DYNC2LI1: variants seen among roughly 807,000 people sequenced by gnomAD.
DYNC2LI1 encodes the protein dynein cytoplasmic 2 light intermediate chain 1, also known as cytoplasmic dynein 2 light intermediate chain 1.
DYNC2LI1 carries 45 observed loss-of-function variants against 51.9 expected under a neutral mutation model. That is an observed-to-expected ratio of 0.87 (90% CI 0.68 to 1.11). The LOEUF is 1.11. DYNC2LI1 is among the 50% of genes most tolerant of loss of function. DYNC2LI1 has a pLI of 0.00. For synonymous variants in DYNC2LI1, 130 were observed against 137.8 expected, an observed-to-expected ratio of 0.94 and a Z score of 0.40; for missense variants, 490 against 417.4, an observed-to-expected ratio of 1.17 and a Z score of -1.51.
At chr2:43,825,469 G>GT in the DYNC2LI1 span, among the ~76,000 whole-genome samples, 8 of 152,254 alleles carry the variant, frequency 5.3e-5, no homozygotes, top group East Asian at 3.9e-4. Flanking sequence ...GAGAAAGTGA[G>GT]TTTTTTTGGA....
the DYNC2LI1 span, among the ~76,000 whole-genome samples, chr2:43,820,913 C>T: frequency 2.6e-5 from 4 of 152,204 alleles, no homozygotes; most frequent in Non-Finnish European, 5.9e-5. Flanking sequence ...CTCAGCCTCC[C>T]AAAGTGCTAG....
At chr2:43,798,206 T>C (rs1189921898) in intron 8 of DYNC2LI1, among the ~76,000 whole-genome samples, 1 of 152,208 alleles carries the variant, frequency 6.6e-6, no homozygotes, top group Non-Finnish European at 1.5e-5. Context: ...AGAGACAACA[T>C]GGTCTAGCCG....
the DYNC2LI1 span, among the ~76,000 whole-genome samples, chr2:43,826,753 A>G: frequency 6.6e-6 from 1 of 152,236 alleles, no homozygotes; most frequent in Admixed American, 6.5e-5. Context: ...TCCAGGGCAC[A>G]GGGAGTAAGG....
At chr2:43,811,884 G>A (rs146129442), downstream of DYNC2LI1, among the ~76,000 whole-genome samples, 3,273 of 152,142 alleles carry the variant, frequency 0.022, 82 homozygotes, top group African/African-American at 0.062. Context: ...ATGAGCCACC[G>A]CGCCTGGCCA....
chr2:43,817,434 G>A, the DYNC2LI1 span, among the ~76,000 whole-genome samples: 4 of 152,068 alleles, frequency 2.6e-5, no homozygotes, highest in African/African-American at 9.7e-5. Context: ...GCAGTGAGCC[G>A]AGATCGTGCC....
chr2:43,822,013 T>A, the DYNC2LI1 span, among the ~76,000 whole-genome samples: 1 of 152,186 alleles, frequency 6.6e-6, no homozygotes, highest in African/African-American at 2.4e-5. Context: ...AAATTTTGGC[T>A]GCATTTTCAT....
intron 5 of DYNC2LI1, chr2:43,793,945 T>C (rs1054227141): frequency 1.3e-5 from 2 of 153,620 alleles, no homozygotes; most frequent in Non-Finnish European, 2.9e-5. Context: ...TTACTAATTA[T>C]ATAAATCTGT....
chr2:43,819,108 G>A, the DYNC2LI1 span, among the ~76,000 whole-genome samples: 1 of 152,206 alleles, frequency 6.6e-6, no homozygotes, highest in South Asian at 2.1e-4. Context: ...TAGATGCTCA[G>A]TAATGCTTTT....
chr2:43,815,442 C>T, the DYNC2LI1 span, among the ~76,000 whole-genome samples: 1 of 152,058 alleles, frequency 6.6e-6, no homozygotes, highest in Non-Finnish European at 1.5e-5. Flanking sequence ...ACTATTTGTG[C>T]CAAGAAAGTA....
chr2:43,813,215 T>G (rs1201088684), downstream of DYNC2LI1: 8 of 1,611,152 alleles, frequency 5.0e-6, 1 homozygote, highest in Admixed American at 1.2e-4. Flanking sequence ...TCATTGTGAA[T>G]CTAGATGTTG....
At chr2:43,826,338 C>T in the DYNC2LI1 span, 3 of 1,612,908 alleles carry the variant, frequency 1.9e-6, no homozygotes, top group Non-Finnish European at 2.5e-6. Flanking sequence ...TGATTCCCAG[C>T]TCAACACACC....
At chr2:43,813,669 TG>T (rs1486962186), downstream of DYNC2LI1, among the ~76,000 whole-genome samples, 1 of 150,304 alleles carries the variant, frequency 6.7e-6, no homozygotes, top group Non-Finnish European at 1.5e-5. Context: ...GAGATTTTTT[TG>T]GTTGTTTTTT....
intron 12 of DYNC2LI1, among the ~76,000 whole-genome samples, chr2:43,808,355 GGTATGAAA>G (rs1666347069): frequency 6.6e-6 from 1 of 151,880 alleles, no homozygotes; most frequent in South Asian, 2.1e-4. Flanking sequence ...TTAGGGTATA[GGTATGAAA>G]GGTACGCTCT....
At chr2:43,796,189 C>T (rs916717652) in intron 7 of DYNC2LI1, among the ~76,000 whole-genome samples, 6 of 151,918 alleles carry the variant, frequency 3.9e-5, no homozygotes, top group African/African-American at 1.2e-4. Context: ...TGAATCTTGC[C>T]GGGCACAGTG....
At chr2:43,797,727 C>G (rs1235356471) in intron 8 of DYNC2LI1, among the ~76,000 whole-genome samples, 1 of 151,858 alleles carries the variant, frequency 6.6e-6, no homozygotes, top group Admixed American at 6.6e-5. Context: ...ACTATGTTGG[C>G]CAGGCTGGTC....
chr2:43,805,733 C>T (rs1266436134), intron 12 of DYNC2LI1, among the ~76,000 whole-genome samples: 2 of 152,100 alleles, frequency 1.3e-5, no homozygotes, highest in Non-Finnish European at 2.9e-5. Flanking sequence ...CCTGACATAA[C>T]CCAGGTTCTC....
rs766568925 is a variant in DYNC2LI1 at position 43,789,659 on chromosome 2, A to C, written c.258A>C (p.Glu86Asp). The change falls in exon 5 of 13, where the codon GAA becomes GAC. Residue 86 changes from glutamate to aspartate, a missense_variant. Coordinates refer to ENST00000260605, the MANE Select transcript of DYNC2LI1 (RefSeq NM_016008.4). ...CAAAAGATATCGCTCACTTTTGGGA[A>C]CTCGGTGGAGGAACCTCTTTATTGG... ...NTPKDIAHFWELGGGTSLLDL... is the reference protein window; with the variant it reads ...NTPKDIAHFWDLGGGTSLLDL... 1.2e-6 allele frequency: 2 copies of C among 1,613,938 alleles called. No individual in the cohort carries two copies. Among genetic ancestry groups the C allele is most frequent in the South Asian group, 2.2e-5 (2 of 91,052 alleles).
chr2:43,823,899 A>C, the DYNC2LI1 span: 3 of 1,613,002 alleles, frequency 1.9e-6, no homozygotes, highest in Non-Finnish European at 2.5e-6. Context: ...CACCTCCAGC[A>C]CGTGGGCACT....
At position 43,789,599 on chromosome 2, in the gene DYNC2LI1, A is replaced by AT. The variant is rs986143133; in HGVS notation, c.232-34_232-33insT. ...TGCTAATGACATATAAGAAGTACTT[A>AT]AACTTCAAAAAATCAAAAATTTTTG... is the stretch of plus-strand genomic sequence containing the variant. On this transcript the variant is annotated intron_variant, in intron 4 of 12. Coordinates refer to ENST00000260605, the MANE Select transcript of DYNC2LI1 (RefSeq NM_016008.4). 5 of 1,582,062 alleles carry AT rather than the reference A, an allele frequency of 3.2e-6. No homozygotes were observed. The African/African-American group carries it at 6.7e-5, about 21-fold the overall frequency.
Sources: allele counts gnomAD v4.1 joint callset (sites outside exome capture counted in the v4.1 genomes callset), GRCh38; gene constraint gnomAD v4.1.1; transcripts MANE v1.5; gene names NCBI Gene and HGNC (gene_info 2026-07-23, HGNC 2026-07-21).